The following CFAP299 variants were observed in gnomAD, a reference collection of about 807,000 sequenced individuals.
CFAP299 encodes cilia- and flagella-associated protein 299.
CFAP299 carries 21 observed loss-of-function variants against 27.0 expected under a neutral mutation model. The observed-to-expected ratio is 0.78, with a 90% CI of 0.55 to 1.12. The LOEUF (loss-of-function observed/expected upper bound fraction) is 1.12, where lower values mean the gene tolerates loss of function less well. Ranked by LOEUF, CFAP299 falls within the 50% of genes most tolerant of loss-of-function variation. The pLI is 0.00. For synonymous variants in CFAP299, 104 were observed against 98.1 expected (o/e 1.06, Z -0.36); for missense variants, 310 against 276.6 (o/e 1.12, Z -0.86).
chr4:80,366,398 G>GAAAGTT (rs1436795299), intron 2 of CFAP299, among the ~76,000 whole-genome samples: 1 of 152,174 alleles, frequency 6.6e-6, no homozygotes, highest in African/African-American at 2.4e-5. Context: ...CTGGAGAGAT[G>GAAAGTT]AAAGTTAAAG....
chr4:80,820,117 T>C (rs1414170885), intron 3 of CFAP299, among the ~76,000 whole-genome samples: 1 of 152,192 alleles, frequency 6.6e-6, no homozygotes, highest in Non-Finnish European at 1.5e-5. Context: ...GATTTGTATA[T>C]TGATATACAT....
intron 3 of CFAP299, among the ~76,000 whole-genome samples, chr4:80,767,534 A>C (rs1380697221): frequency 6.6e-6 from 1 of 152,168 alleles, no homozygotes; most frequent in Non-Finnish European, 1.5e-5. Context: ...GCGTGAACCC[A>C]GGAGGCGGAG....
intron 3 of CFAP299, among the ~76,000 whole-genome samples, chr4:80,683,860 A>G (rs1720003470): frequency 1.3e-5 from 2 of 152,210 alleles, no homozygotes. Context: ...TTTGTTTAAA[A>G]ATGCTTACGT....
chr4:80,556,129 G>C (rs907922144), intron 2 of CFAP299, among the ~76,000 whole-genome samples: 1 of 152,008 alleles, frequency 6.6e-6, no homozygotes, highest in Non-Finnish European at 1.5e-5. Context: ...TTCATATTGG[G>C]TTAGCAATCT....
chr4:80,378,090 A>T (rs962531774), intron 2 of CFAP299, among the ~76,000 whole-genome samples: 1 of 152,164 alleles, frequency 6.6e-6, no homozygotes, highest in South Asian at 2.1e-4. Flanking sequence ...AGATACAATT[A>T]AAGTTGAGAT....
At chr4:80,695,246 A>T (rs1262636892) in intron 3 of CFAP299, among the ~76,000 whole-genome samples, 1 of 152,194 alleles carries the variant, frequency 6.6e-6, no homozygotes, top group Non-Finnish European at 1.5e-5. Flanking sequence ...TTCTAGATAT[A>T]CTAGAAAATC....
At chr4:80,652,327 A>C (rs1740343067) in intron 3 of CFAP299, among the ~76,000 whole-genome samples, 1 of 152,150 alleles carries the variant, frequency 6.6e-6, no homozygotes, top group South Asian at 2.1e-4. Context: ...TAAAATATGT[A>C]TTTATATATT....
intron 3 of CFAP299, among the ~76,000 whole-genome samples, chr4:80,798,355 A>C (rs537647152): frequency 6.6e-6 from 1 of 152,212 alleles, no homozygotes; most frequent in East Asian, 1.9e-4. Context: ...CAGGAAGGGG[A>C]TATTGCCACT....
intron 4 of CFAP299, among the ~76,000 whole-genome samples, chr4:80,906,263 T>C (rs899837589): frequency 5.9e-5 from 9 of 152,224 alleles, no homozygotes; most frequent in Non-Finnish European, 1.2e-4. Flanking sequence ...ACCCATGTCA[T>C]GCTGATGGAA....
At chr4:80,510,935 C>G (rs1461010392) in intron 2 of CFAP299, among the ~76,000 whole-genome samples, 1 of 152,142 alleles carries the variant, frequency 6.6e-6, no homozygotes, top group African/African-American at 2.4e-5. Flanking sequence ...TGATGGGTAA[C>G]TGATGACTGG....
intron 2 of CFAP299, among the ~76,000 whole-genome samples, chr4:80,462,519 C>T (rs1729488065): frequency 6.6e-6 from 1 of 152,162 alleles, no homozygotes; most frequent in Admixed American, 6.6e-5. Context: ...TCCCCACCTC[C>T]ACCCCAATAT....
At chr4:80,894,845 G>T (rs1168415243) in intron 4 of CFAP299, among the ~76,000 whole-genome samples, 1 of 151,790 alleles carries the variant, frequency 6.6e-6, no homozygotes, top group Non-Finnish European at 1.5e-5. Flanking sequence ...TGAAAAAGAA[G>T]AAAACACTAT....
At chr4:80,472,865 C>T (rs1387451770) in intron 2 of CFAP299, among the ~76,000 whole-genome samples, 1 of 152,132 alleles carries the variant, frequency 6.6e-6, no homozygotes, top group Non-Finnish European at 1.5e-5. Context: ...GTTGGCTACT[C>T]CTGGATTCCT....
At chr4:80,898,821 G>A (rs749042264) in intron 4 of CFAP299, among the ~76,000 whole-genome samples, 34 of 152,056 alleles carry the variant, frequency 2.2e-4, no homozygotes, top group Non-Finnish European at 3.1e-4. Context: ...CAATTTTTTA[G>A]GTAATTTCCA....
intron 3 of CFAP299, among the ~76,000 whole-genome samples, chr4:80,721,890 A>G (rs777446585): frequency 6.6e-6 from 1 of 152,142 alleles, no homozygotes; most frequent in Non-Finnish European, 1.5e-5. Context: ...CAAAATAAAG[A>G]TTTTGTCAAA....
intron 2 of CFAP299, among the ~76,000 whole-genome samples, chr4:80,539,620 G>A (rs1733906635): frequency 6.6e-6 from 1 of 152,132 alleles, no homozygotes; most frequent in Admixed American, 6.5e-5. Flanking sequence ...TAGTGGGTAT[G>A]GAGTTGGAAT....
intron 3 of CFAP299, among the ~76,000 whole-genome samples, chr4:80,739,299 T>G (rs76100004): frequency 6.6e-6 from 1 of 152,156 alleles, no homozygotes; most frequent in Non-Finnish European, 1.5e-5. Context: ...TTTAGCATTA[T>G]TTTCTTTCTA....
intron 3 of CFAP299, among the ~76,000 whole-genome samples, chr4:80,677,389 T>G (rs1197649012): frequency 6.6e-6 from 1 of 152,132 alleles, no homozygotes; most frequent in African/African-American, 2.4e-5. Context: ...TGGGAAGTTT[T>G]TCATATTTAC....
chr4:80,385,343 T>C (rs1402559042), intron 2 of CFAP299, among the ~76,000 whole-genome samples: 2 of 152,226 alleles, frequency 1.3e-5, no homozygotes, highest in Non-Finnish European at 2.9e-5. Flanking sequence ...TTCTTTTGTT[T>C]TATTGTTTTC....
Sources: allele counts gnomAD v4.1 joint callset (sites outside exome capture counted in the v4.1 genomes callset), GRCh38; gene constraint gnomAD v4.1.1; transcripts MANE v1.5; gene names NCBI Gene and HGNC (gene_info 2026-07-23, HGNC 2026-07-21).